The following CCDC149 variants were observed in gnomAD, a reference collection of about 807,000 sequenced individuals.
CCDC149 encodes the protein coiled-coil domain-containing protein 149.
CCDC149 carries 45 observed loss-of-function variants against 59.9 expected under a neutral mutation model. The observed-to-expected ratio is 0.75, with a 90% CI of 0.59 to 0.96. CCDC149 has a LOEUF of 0.96. Among genes scored for constraint, CCDC149 ranks in the 40% least tolerant of loss-of-function variants. The pLI is 0.00. For synonymous variants in CCDC149, 245 were observed against 260.6 expected, an observed-to-expected ratio of 0.94 and a Z score of 0.58; for missense variants, 584 against 664.7, an observed-to-expected ratio of 0.88 and a Z score of 1.33.
chr4:24,810,001 G>A (rs1714490274), intron 12 of CCDC149, among the ~76,000 whole-genome samples: 3 of 152,138 alleles, frequency 2.0e-5, no homozygotes, highest in Non-Finnish European at 2.9e-5. Flanking sequence ...CCCTTACAAG[G>A]TCCTGCTGAT....
At chr4:24,914,022 A>T (rs1479999194), upstream of CCDC149, among the ~76,000 whole-genome samples, 1 of 152,126 alleles carries the variant, frequency 6.6e-6, no homozygotes, top group African/African-American at 2.4e-5. Context: ...GAAGTTGTGA[A>T]CCCATTGTAC....
In CCDC149 at chr4:24,808,695, C is replaced by G. The variant is rs1395356610; in HGVS notation, c.1317G>C (p.Lys439Asn). ...ACTGGGGTAATGAAGGATGAAAGAG[C>G]TTGCATTGGTTCCCGCGGCTCTGAT... Residue 439 changes from lysine to asparagine, a missense_variant, in exon 13 of 13, where the codon AAG becomes AAC. By Grantham distance (94) the Lys-to-Asn change is moderately conservative. Transcript: ENST00000635206. The G allele has an allele frequency of 6.4e-7, 1 of 1,552,264 alleles. No individual in the cohort carries two copies. Among genetic ancestry groups the G allele is most frequent in the African/African-American group, 1.4e-5 (1 of 73,076 alleles).
chr4:24,929,245 G>A (rs1368652705), intron 1 of CCDC149, among the ~76,000 whole-genome samples: 1 of 152,156 alleles, frequency 6.6e-6, no homozygotes, highest in Non-Finnish European at 1.5e-5. Context: ...CCCGTCGTCT[G>A]CAGCACTTTT....
At chr4:24,850,261 C>G (rs555962316) in intron 4 of CCDC149, among the ~76,000 whole-genome samples, 2 of 152,180 alleles carry the variant, frequency 1.3e-5, no homozygotes, top group South Asian at 4.2e-4. Context: ...ACCTACCTAT[C>G]AAGAACTAAG....
At chr4:24,875,155 C>G (rs1164117992) in intron 2 of CCDC149, among the ~76,000 whole-genome samples, 1 of 151,926 alleles carries the variant, frequency 6.6e-6, no homozygotes, top group Non-Finnish European at 1.5e-5. Context: ...AAGGTGAAAC[C>G]CCGTCTCTAC....
chr4:24,895,795 C>G (rs181013023), intron 1 of CCDC149, among the ~76,000 whole-genome samples: 61 of 152,350 alleles, frequency 4.0e-4, no homozygotes, highest in African/African-American at 1.4e-3. Flanking sequence ...GCTCCCACAA[C>G]AGAGGGGCTA....
In CCDC149 at chr4:24,836,607, G is replaced by A; in HGVS notation, c.663-99C>T. On this transcript the variant is annotated intron_variant, in intron 6 of 12. Transcript: ENST00000635206. ...AAAACAAAAACCACTTGCCAGAAGA[G>A]CTATCTTTTACACATAACACCTTGC... is the stretch of plus-strand genomic sequence containing the variant. 7 of 742,728 alleles carry A rather than the reference G, an allele frequency of 9.4e-6. No individual in the cohort carries two copies. The South Asian group carries it at 1.1e-4, about 12-fold the overall frequency. 46.0% of individuals were successfully genotyped at this position (742,728 alleles called of 1,614,324 possible).
intron 1 of CCDC149, among the ~76,000 whole-genome samples, chr4:24,955,294 T>A (rs73250644): frequency 0.18 from 26,955 of 152,088 alleles, 3,220 homozygotes; most frequent in African/African-American, 0.33. Context: ...AAACTACTCA[T>A]ATTCTGCATT....
intron 3 of CCDC149, among the ~76,000 whole-genome samples, chr4:24,870,398 G>A (rs547190736): frequency 2.8e-4 from 42 of 152,108 alleles, no homozygotes; most frequent in Non-Finnish European, 5.1e-4. Context: ...TAATTAATTC[G>A]TTTATTGTTC....
At chr4:24,826,797 G>A (rs1715776930) in intron 9 of CCDC149, 1 of 152,268 alleles carries the variant, frequency 6.6e-6, no homozygotes, top group Non-Finnish European at 1.5e-5. Flanking sequence ...ATGAAATTCA[G>A]AGTCCAAGGG....
intron 1 of CCDC149, among the ~76,000 whole-genome samples, chr4:24,919,264 C>T (rs181069831): frequency 3.0e-4 from 45 of 152,262 alleles, no homozygotes; most frequent in African/African-American, 1.1e-3. Flanking sequence ...ACAACCAGGA[C>T]ACAGACCTCT....
intron 2 of CCDC149, 111 bp downstream of exon 2, chr4:24,876,425 A>C: frequency 8.0e-7 from 1 of 1,246,816 alleles, no homozygotes; most frequent in African/African-American, 1.5e-5. Flanking sequence ...AAATTTTTCC[A>C]CTTTGAACTG....
intron 10 of CCDC149, among the ~76,000 whole-genome samples, chr4:24,821,484 T>C (rs1350532584): frequency 2.0e-5 from 3 of 152,250 alleles, no homozygotes; most frequent in Admixed American, 6.5e-5. Flanking sequence ...TCAGGTCTTT[T>C]GACAACAAGT....
chr4:24,854,991 T>C (rs1347517792), intron 3 of CCDC149, among the ~76,000 whole-genome samples: 1 of 152,208 alleles, frequency 6.6e-6, no homozygotes, highest in African/African-American at 2.4e-5. Context: ...CCTTTTTTTC[T>C]GGAGCACTTG....
At chr4:24,850,934 T>C (rs1717617181) in intron 4 of CCDC149, among the ~76,000 whole-genome samples, 1 of 150,580 alleles carries the variant, frequency 6.6e-6, no homozygotes, top group South Asian at 2.1e-4. Flanking sequence ...TGAGAATAAA[T>C]GGAATCTCTG....
chr4:24,956,321 T>C (rs1398213630), intron 1 of CCDC149, among the ~76,000 whole-genome samples: 3 of 152,138 alleles, frequency 2.0e-5, no homozygotes, highest in African/African-American at 7.2e-5. Context: ...TATTAACATA[T>C]GTAAAGACTT....
intron 1 of CCDC149, among the ~76,000 whole-genome samples, chr4:24,906,400 A>ATTTTATTTTGTTTTG (rs576908509): frequency 5.1e-5 from 2 of 38,912 alleles, no homozygotes; most frequent in African/African-American, 8.3e-5. Context: ...ATTTTATTTT[A>ATTTTATTTTGTTTTG]TTTTATTTTA....
rs201055100 is a variant in CCDC149, at chr4:24,967,716, TTGA to T, written c.-65+12350_-65+12352del. 3.7e-3 allele frequency among the ~76,000 whole-genome samples: 556 copies of T among 151,546 alleles called. 6 individuals carry two copies. The highest frequency in any genetic ancestry group is 0.013 in the African/African-American group (516 of 41,250). On this transcript the variant is annotated intron_variant, in intron 1 of 12. Coordinates refer to the CCDC149 transcript ENST00000389609. ...GAAGGGGTCTAGCTATTCCATTATA[TTGA>T]TGATATTATGTTAACCTCTGATTCT...
At chr4:24,891,998 C>CA (rs1289175553) in intron 1 of CCDC149, among the ~76,000 whole-genome samples, 2 of 150,780 alleles carry the variant, frequency 1.3e-5, no homozygotes, top group African/African-American at 4.9e-5. Flanking sequence ...GACCCTGTCT[C>CA]AAAAAAGAAA....
Sources: gnomAD v4.1 joint callset for allele counts (sites outside exome capture counted in the v4.1 genomes callset) on GRCh38, gnomAD v4.1.1 for gene constraint, MANE v1.5 for transcripts, NCBI Gene and HGNC (gene_info 2026-07-23, HGNC 2026-07-21) for gene names.